Variants in SUMF1 observed in about 807,000 individuals in gnomAD.
SUMF1 encodes the protein formylglycine-generating enzyme.
A neutral mutation model predicts 47.6 loss-of-function variants in SUMF1; 48 were observed. The ratio of observed to expected loss-of-function variants is 1.01; its 90% CI spans 0.80 to 1.28. SUMF1 has a LOEUF of 1.28. SUMF1 is among the 50% of genes most tolerant of loss of function. The pLI is 0.00. For missense variants in SUMF1, 571 were observed against 485.4 expected, an observed-to-expected ratio of 1.18 and a Z score of -1.66; for synonymous variants, 230 against 192.1, an observed-to-expected ratio of 1.20 and a Z score of -1.63.
intron 7 of SUMF1, among the ~76,000 whole-genome samples, chr3:4,401,836 T>C (rs772889091): frequency 1.3e-5 from 2 of 152,222 alleles, no homozygotes; most frequent in Non-Finnish European, 1.5e-5. Flanking sequence ...CCCAATCTTA[T>C]AGCATATGGC....
At chr3:4,416,078 G>A (rs1288686521) in intron 6 of SUMF1, among the ~76,000 whole-genome samples, 1 of 152,126 alleles carries the variant, frequency 6.6e-6, no homozygotes, top group Non-Finnish European at 1.5e-5. Context: ...ATGGCTTTAT[G>A]AGTATATGAT....
chr3:4,460,623 T>A lies in SUMF1; in HGVS notation c.270+6353A>T, dbSNP rs9823665. Among the ~76,000 whole-genome samples, 1,157 of 147,370 alleles carry A rather than the reference T, an allele frequency of 7.9e-3. 16 individuals are homozygous for A. Among genetic ancestry groups the A allele is most frequent in the African/African-American group, 0.025 (997 of 39,710 alleles). ...CAGTGTGTGTGTGTGTGTGTGTGTG[T>A]GAGAGTGTGTGTGTGTATATATATA... is the stretch of plus-strand genomic sequence containing the variant. On this transcript the variant is annotated intron_variant, in intron 1 of 8. Transcript: ENST00000272902.
chr3:4,316,899 C>G, intron 8 of SUMF1: 1 of 1,549,390 alleles, frequency 6.5e-7, no homozygotes, highest in Non-Finnish European at 8.7e-7. Context: ...GAACCAAAAA[C>G]TGCAACGCCT....
intron 8 of SUMF1, among the ~76,000 whole-genome samples, chr3:4,184,512 CTGAG>C (rs1695161086): frequency 6.6e-6 from 1 of 151,964 alleles, no homozygotes; most frequent in South Asian, 2.1e-4. Flanking sequence ...GATTCTTACA[CTGAG>C]TGAGGGACTT....
Position 4,185,167 on chromosome 3 carries a change from T to C in SUMF1, c.1015-116422A>G, listed in dbSNP as rs183826190. Among the ~76,000 whole-genome samples the C allele has an allele frequency of 1.8e-4, 27 of 152,294 alleles. No homozygotes were observed. The East Asian group carries it at 4.8e-3, about 27-fold the overall frequency. ...ATGAATTTCCCTAAAGAAATCATAC[T>C]GTATGCAGGCTTCAGAGGCATAGTC... On this transcript the variant is annotated intron_variant and NMD_transcript_variant, in intron 8 of 12. Coordinates refer to the SUMF1 transcript ENST00000448413.
At position 4,287,276 on chromosome 3, in the gene SUMF1, T is replaced by C. The variant is rs570666304; in HGVS notation, c.1014+89054A>G. Among the ~76,000 whole-genome samples the C allele has an allele frequency of 3.9e-5, 6 of 152,194 alleles. No homozygotes were observed. The South Asian group carries it at 1.2e-3, about 32-fold the overall frequency. On this transcript the variant is annotated intron_variant and NMD_transcript_variant, in intron 8 of 12. Coordinates refer to the SUMF1 transcript ENST00000448413. Reference sequence around the variant, plus strand: ...ACCAAAAAGTTCAGAACCAGCAACTTAACAAAATAAGAAAATAACCTTTCA... The same window carrying C: ...ACCAAAAAGTTCAGAACCAGCAACTCAACAAAATAAGAAAATAACCTTTCA...
At chr3:4,384,054 A>G (rs1367848907) in intron 7 of SUMF1, among the ~76,000 whole-genome samples, 1 of 143,070 alleles carries the variant, frequency 7.0e-6, no homozygotes, top group East Asian at 1.9e-4. Flanking sequence ...GAAGTGAAAA[A>G]ATAAATGCAG....
intron 7 of SUMF1, among the ~76,000 whole-genome samples, chr3:4,376,607 C>G (rs1700338762): frequency 6.6e-6 from 1 of 152,230 alleles, no homozygotes; most frequent in East Asian, 1.9e-4. Context: ...CAAGTTTCCA[C>G]TCTTTGGTGA....
At chr3:4,173,628 C>A (rs1424746672) in intron 8 of SUMF1, among the ~76,000 whole-genome samples, 1 of 152,080 alleles carries the variant, frequency 6.6e-6, no homozygotes, top group Non-Finnish European at 1.5e-5. Context: ...TGGAACCAAT[C>A]CAAATGCCCA....
In SUMF1 at chr3:4,154,586, A is replaced by G. The variant is rs931450535; in HGVS notation, c.1015-85841T>C. Among the ~76,000 whole-genome samples the G allele has an allele frequency of 6.7e-5, 10 of 148,480 alleles. 1 individual carries two copies. The highest frequency in any genetic ancestry group is 3.4e-4 in the Admixed American group (5 of 14,900). On this transcript the variant is annotated intron_variant and NMD_transcript_variant, in intron 8 of 12. Transcript: ENST00000448413. ...GTGAGTTATCAAAGGTCACATAGCT[A>G]TGAAGTAACTGAAACAGAATTCAAC...
At chr3:4,391,797 G>T (rs79031488) in intron 7 of SUMF1, among the ~76,000 whole-genome samples, 1 of 150,872 alleles carries the variant, frequency 6.6e-6, no homozygotes, top group African/African-American at 2.4e-5. Flanking sequence ...CTGCTCATTG[G>T]TTTGGATAAT....
At chr3:4,365,951 T>G (rs1369495385) in intron 8 of SUMF1, among the ~76,000 whole-genome samples, 2 of 152,202 alleles carry the variant, frequency 1.3e-5, no homozygotes, top group East Asian at 1.9e-4. Context: ...GTCTGTAAAG[T>G]ATCTTATTTC....
chr3:4,323,780 G>A (rs1698886382), intron 8 of SUMF1, among the ~76,000 whole-genome samples: 1 of 152,146 alleles, frequency 6.6e-6, no homozygotes, highest in African/African-American at 2.4e-5. Context: ...TCTGGGTTGG[G>A]CCATTACCAC....
chr3:4,300,821 T>C (rs941686089), intron 8 of SUMF1, among the ~76,000 whole-genome samples: 2 of 152,136 alleles, frequency 1.3e-5, no homozygotes, highest in Non-Finnish European at 2.9e-5. Flanking sequence ...ACACCAAAAC[T>C]GGAACTCAGA....
intron 8 of SUMF1, among the ~76,000 whole-genome samples, chr3:4,345,974 C>A (rs995337285): frequency 6.6e-6 from 1 of 152,156 alleles, no homozygotes; most frequent in African/African-American, 2.4e-5. Flanking sequence ...ACAAGAAGAG[C>A]TAACTATCCT....
intron 8 of SUMF1, among the ~76,000 whole-genome samples, chr3:4,233,314 T>C (rs1696341609): frequency 1.3e-5 from 2 of 152,152 alleles, no homozygotes; most frequent in African/African-American, 4.8e-5. Flanking sequence ...ACCTTCCTAC[T>C]TCACTGAACA....
At chr3:4,272,342 G>A (rs1697321567) in intron 8 of SUMF1, among the ~76,000 whole-genome samples, 1 of 152,144 alleles carries the variant, frequency 6.6e-6, no homozygotes, top group Non-Finnish European at 1.5e-5. Flanking sequence ...TAATCGACCC[G>A]ACAGAGAATT....
At position 4,245,751 on chromosome 3, in the gene SUMF1, G is replaced by C. The variant is rs577267464; in HGVS notation, c.1014+130579C>G. 9.8e-5 allele frequency among the ~76,000 whole-genome samples: 15 copies of C among 152,286 alleles called. No homozygotes were observed. The East Asian group carries it at 2.9e-3, about 29-fold the overall frequency. ...ATTATCAGAGCTTGAATGCCATGCC[G>C]GTAGAATGACTGCTCTCTTCAGAGC... On this transcript the variant is annotated intron_variant and NMD_transcript_variant, in intron 8 of 12. Coordinates refer to the SUMF1 transcript ENST00000448413.
At chr3:4,169,454 G>A (rs998663271) in intron 8 of SUMF1, among the ~76,000 whole-genome samples, 2 of 152,170 alleles carry the variant, frequency 1.3e-5, no homozygotes, top group African/African-American at 2.4e-5. Flanking sequence ...CTGGAACGAG[G>A]CATCTACAAG....
Sources: allele counts gnomAD v4.1 joint callset (sites outside exome capture counted in the v4.1 genomes callset), GRCh38; gene constraint gnomAD v4.1.1; transcripts MANE v1.5; gene names NCBI Gene and HGNC (gene_info 2026-07-23, HGNC 2026-07-21).